Variants in PTPRS observed in about 807,000 individuals in gnomAD.
PTPRS encodes the protein protein tyrosine phosphatase receptor type S.
PTPRS carries 63 observed loss-of-function variants against 215.3 expected under a neutral mutation model. That is an observed-to-expected ratio of 0.29 (90% CI 0.24 to 0.36). The LOEUF (loss-of-function observed/expected upper bound fraction) is 0.36, where lower values mean the gene tolerates loss of function less well. Ranked by LOEUF, PTPRS falls within the 10% of genes least tolerant of loss-of-function variation. The probability of loss-of-function intolerance (pLI) is 1.00; values close to 1 mark genes in which losing one functional copy is unlikely to be tolerated. For missense variants in PTPRS, 2,258 were observed against 2,825.8 expected (o/e 0.80, Z 4.56); for synonymous variants, 1,404 against 1,191.4 (o/e 1.18, Z -3.68).
At chr19:5,316,844 G>A (rs187748241) in intron 1 of PTPRS, among the ~76,000 whole-genome samples, 24 of 152,218 alleles carry the variant, frequency 1.6e-4, no homozygotes, top group African/African-American at 5.8e-4. Flanking sequence ...TTGGGGTTCT[G>A]GCACCCGGCT....
chr19:5,219,932 G>C lies in PTPRS; in HGVS notation c.3765+7C>G, dbSNP rs751492119. The C allele has an allele frequency of 1.2e-6, 2 of 1,613,332 alleles. No homozygotes were observed. The highest frequency in any genetic ancestry group is 1.7e-6 in the Non-Finnish European group (2 of 1,179,438). On this transcript the variant is annotated splice_region_variant and intron_variant, in intron 22 of 37. Coordinates refer to ENST00000262963, the MANE Select transcript of PTPRS (RefSeq NM_002850.4). The stretch of plus-strand genomic sequence containing the variant: ...CTGGATGTGGGCGGACACCATTCAG[G>C]ACTTACAGGCTCGCTCTTCTGAAGC...
chr19:5,319,375 C>A (rs1346987163), intron 1 of PTPRS, among the ~76,000 whole-genome samples: 1 of 151,406 alleles, frequency 6.6e-6, no homozygotes, highest in Non-Finnish European at 1.5e-5. Context: ...TGCACTGCAC[C>A]ACTGCAGTCC....
intron 22 of PTPRS, 58 bp downstream of exon 22, chr19:5,219,880 TG>T (rs1322456560): frequency 6.4e-7 from 1 of 1,563,348 alleles, no homozygotes; most frequent in Non-Finnish European, 8.8e-7. Context: ...CCCTGGGGAA[TG>T]GGGTCTGCCT....
At chr19:5,299,512 A>G (rs551960793) in intron 1 of PTPRS, among the ~76,000 whole-genome samples, 1 of 152,292 alleles carries the variant, frequency 6.6e-6, no homozygotes, top group South Asian at 2.1e-4. Flanking sequence ...CCCATTACCC[A>G]TTATTTTACT....
At chr19:5,249,026 T>C (rs10416372) in intron 9 of PTPRS, among the ~76,000 whole-genome samples, 10,524 of 152,162 alleles carry the variant, frequency 0.069, 1,229 homozygotes, top group African/African-American at 0.24. Flanking sequence ...AAAAAGGAAA[T>C]GGAGGCAGGC....
chr19:5,225,590 A>C, intron 17 of PTPRS, 137 bp downstream of exon 17: 1 of 778,624 alleles, frequency 1.3e-6, no homozygotes, highest in Admixed American at 2.0e-5. Context: ...AGCAGCCCTC[A>C]CACCTTTGTC....
At position 5,261,664 on chromosome 19, in the gene PTPRS, G is replaced by A. The variant is rs1053884084; in HGVS notation, c.578-842C>T. Among the ~76,000 whole-genome samples, 5 of 152,228 alleles carry A rather than the reference G, an allele frequency of 3.3e-5. No homozygotes were observed. The South Asian group carries it at 6.2e-4, about 19-fold the overall frequency. On this transcript the variant is annotated intron_variant, in intron 6 of 37. Coordinates refer to ENST00000262963, the MANE Select transcript of PTPRS (RefSeq NM_002850.4). ...CACGTGAAAAAGCAGCTCCTTCTGCGTGGCCCAAACCCATTTTGCAGACGG... is the reference window on the plus strand; with the variant it reads ...CACGTGAAAAAGCAGCTCCTTCTGCATGGCCCAAACCCATTTTGCAGACGG...
intron 10 of PTPRS, among the ~76,000 whole-genome samples, chr19:5,245,367 C>A (rs1312208023): frequency 6.6e-6 from 1 of 152,088 alleles, no homozygotes; most frequent in East Asian, 1.9e-4. Context: ...TAGCTCACTG[C>A]AGCCTTGAAC....
intron 1 of PTPRS, among the ~76,000 whole-genome samples, chr19:5,305,207 A>G (rs1825209374): frequency 1.3e-5 from 2 of 152,210 alleles, no homozygotes; most frequent in South Asian, 4.1e-4. Context: ...CTATTATTCC[A>G]GGCTTTTCCC....
Position 5,206,759 on chromosome 19 carries a change from G to C in PTPRS, c.*15C>G. ...TCCGGGGCCAGTGGTGTCGGGCCTG[G>C]GGGGAACCATGGCTTTAGGTTGCAT... On this transcript the variant is annotated 3_prime_UTR_variant, in exon 38 of 38. Transcript: ENST00000262963. The C allele has an allele frequency of 6.2e-7, 1 of 1,612,820 alleles. No individual in the cohort carries two copies. The highest frequency in any genetic ancestry group is 8.5e-7 in the Non-Finnish European group (1 of 1,178,858).
chr19:5,284,875 G>A (rs1489588641), intron 2 of PTPRS, among the ~76,000 whole-genome samples: 2 of 151,834 alleles, frequency 1.3e-5, no homozygotes, highest in Non-Finnish European at 2.9e-5. Flanking sequence ...TTGAGCCTGA[G>A]AAGTAGAGGT....
intron 3 of PTPRS, 142 bp from the exon 4 acceptor site, chr19:5,273,725 G>GA: frequency 9.5e-7 from 1 of 1,050,354 alleles, no homozygotes; most frequent in Non-Finnish European, 1.4e-6. Context: ...GCTGCAGGCT[G>GA]AATGTGCACG....
intron 24 of PTPRS, 110 bp from the exon 25 acceptor site, chr19:5,218,642 G>A (rs2041702068): frequency 2.0e-6 from 3 of 1,511,106 alleles, no homozygotes; most frequent in South Asian, 1.1e-5. Context: ...GGACCCGTAT[G>A]ACTAGGGTTT....
In PTPRS at chr19:5,210,814, G is replaced by GT; in HGVS notation, c.5235-10dup. The GT allele has an allele frequency of 6.2e-7, 1 of 1,612,796 alleles. No individual in the cohort carries two copies. The highest frequency in any genetic ancestry group is 1.3e-5 in the African/African-American group (1 of 75,068). On this transcript the variant is annotated splice_polypyrimidine_tract_variant and intron_variant, in intron 33 of 37. Coordinates refer to ENST00000262963, the MANE Select transcript of PTPRS (RefSeq NM_002850.4). The surrounding 1 kb of genome is among the most constrained non-coding windows in gnomAD (Gnocchi z 4.5). ...TGTAGGCCTTCTGCTGCCTGCAGGC[G>GT]TTGGGGGTATGAGCCCAGGGCCGGC...
Position 5,205,553 on chromosome 19 carries a change from G to A in PTPRS, c.*1221C>T, listed in dbSNP as rs753405671. Among the ~76,000 whole-genome samples, 1 of 152,162 alleles carries A rather than the reference G, an allele frequency of 6.6e-6. No individual in the cohort carries two copies. ...ACAAAGTCGATATATCTACATACAC[G>A]GGGGTGGGAAAACCACCCGGCTGCT... On this transcript the variant is annotated 3_prime_UTR_variant, in exon 38 of 38. Transcript: ENST00000262963.
chr19:5,215,765 G>C (rs963407087), intron 26 of PTPRS, among the ~76,000 whole-genome samples, 170 bp from the exon 27 acceptor site: 1 of 152,088 alleles, frequency 6.6e-6, no homozygotes, highest in Non-Finnish European at 1.5e-5. Flanking sequence ...CTCATGAAGG[G>C]GCTGGGACCC....
At chr19:5,215,845 A>G (rs922636765) in intron 26 of PTPRS, among the ~76,000 whole-genome samples, 60 of 152,094 alleles carry the variant, frequency 3.9e-4, no homozygotes, top group African/African-American at 1.4e-3. Flanking sequence ...ACACCCCTGG[A>G]GGGGCCTGGA....
chr19:5,297,181 C>T (rs1275641087), intron 1 of PTPRS, among the ~76,000 whole-genome samples: 7 of 152,164 alleles, frequency 4.6e-5, no homozygotes, highest in Admixed American at 4.6e-4. Flanking sequence ...ACCCAGGAGG[C>T]GGCTGCCCTT....
intron 5 of PTPRS, 65 bp from the exon 6 acceptor site, chr19:5,263,037 T>A: frequency 5.9e-6 from 5 of 844,856 alleles, no homozygotes; most frequent in Non-Finnish European, 8.3e-6. Flanking sequence ...TTACAAAGAA[T>A]CCTATGTCCT....
Sources: gnomAD v4.1 joint callset for allele counts (sites outside exome capture counted in the v4.1 genomes callset) on GRCh38, gnomAD v4.1.1 for gene constraint, Gnocchi (gnomAD v3.1) non-coding constraint, MANE v1.5 for transcripts, NCBI Gene and HGNC (gene_info 2026-07-23, HGNC 2026-07-21) for gene names.